Variants in USP13 observed in about 807,000 individuals in gnomAD.
USP13 encodes the protein ubiquitin specific peptidase 13.
In USP13, 68 loss-of-function variants were observed where a neutral mutation model predicts 107.8. That is an observed-to-expected ratio of 0.63 (90% confidence interval 0.52 to 0.77). USP13 has a LOEUF of 0.77. Ranked by LOEUF, USP13 falls within the 30% of genes least tolerant of loss-of-function variation. USP13 has a pLI of 0.00. For missense variants in USP13, 945 were observed against 1,093.3 expected, an observed-to-expected ratio of 0.86 and a Z score of 1.91; for synonymous variants, 377 against 389.5, an observed-to-expected ratio of 0.97 and a Z score of 0.38.
intron 16 of USP13, among the ~76,000 whole-genome samples, chr3:179,760,527 C>T (rs1714972502): frequency 6.6e-6 from 1 of 152,214 alleles, no homozygotes; most frequent in Non-Finnish European, 1.5e-5. Flanking sequence ...TCATAATCCG[C>T]CCGCCTCGGC....
At chr3:179,702,165 G>A (rs997953139) in intron 4 of USP13, among the ~76,000 whole-genome samples, 1 of 152,050 alleles carries the variant, frequency 6.6e-6, no homozygotes, top group Non-Finnish European at 1.5e-5. Flanking sequence ...GACTCCAGGC[G>A]CCCGCCATCA....
At chr3:179,689,105 C>G (rs1418855687) in intron 2 of USP13, among the ~76,000 whole-genome samples, 1 of 152,140 alleles carries the variant, frequency 6.6e-6, no homozygotes, top group Non-Finnish European at 1.5e-5. Flanking sequence ...AACTGAGAAG[C>G]AGAAAATGTG....
At chr3:179,715,251 C>G (rs1297684191) in intron 6 of USP13, among the ~76,000 whole-genome samples, 2 of 152,038 alleles carry the variant, frequency 1.3e-5, no homozygotes, top group Admixed American at 6.6e-5. Flanking sequence ...GTCTTGAACT[C>G]CTGGGCTCAA....
chr3:179,696,255 G>T (rs1465247063), intron 3 of USP13, among the ~76,000 whole-genome samples: 1 of 151,012 alleles, frequency 6.6e-6, no homozygotes. Context: ...TTTTGCTAAT[G>T]GTTAGTTGTT....
rs13317851 is a variant in USP13 at position 179,758,001 on chromosome 3, A to C, written c.1948+923A>C. Among the ~76,000 whole-genome samples, 1,165 of 152,318 alleles carry C rather than the reference A, an allele frequency of 7.6e-3. 16 individuals carry two copies. The highest frequency in any genetic ancestry group is 0.027 in the African/African-American group (1,113 of 41,576). On this transcript the variant is annotated intron_variant, in intron 16 of 20. Transcript: ENST00000263966. The stretch of plus-strand genomic sequence containing the variant: ...TGGATCATTTAGCATTTATTGTTCC[A>C]TAAATTCTTTCAACGGTCTACAACT...
chr3:179,780,535 G>T (rs184260713), intron 19 of USP13, among the ~76,000 whole-genome samples: 78 of 152,240 alleles, frequency 5.1e-4, no homozygotes, highest in Admixed American at 1.2e-3. Flanking sequence ...GTCTGGATAG[G>T]GGGGGAAGAA....
intron 3 of USP13, among the ~76,000 whole-genome samples, chr3:179,694,628 T>C (rs1712223088): frequency 6.6e-6 from 1 of 151,806 alleles, no homozygotes; most frequent in Non-Finnish European, 1.5e-5. Flanking sequence ...GGTGAAACCC[T>C]GTCTCTACTA....
At chr3:179,749,314 A>G (rs1170543985) in intron 13 of USP13, among the ~76,000 whole-genome samples, 3 of 152,246 alleles carry the variant, frequency 2.0e-5, no homozygotes, top group Non-Finnish European at 4.4e-5. Context: ...TATGTCTTAA[A>G]TCATTTAATT....
At chr3:179,764,734 A>T (rs559798250) in intron 18 of USP13, among the ~76,000 whole-genome samples, 1 of 152,166 alleles carries the variant, frequency 6.6e-6, no homozygotes, top group Non-Finnish European at 1.5e-5. Flanking sequence ...TGCAGTGCTG[A>T]TATCTGTTTA....
intron 1 of USP13, among the ~76,000 whole-genome samples, chr3:179,663,418 C>T (rs1014052949): frequency 2.0e-5 from 3 of 152,180 alleles, no homozygotes; most frequent in African/African-American, 7.2e-5. Context: ...CCTTTTGGCT[C>T]CTGTGAATAG....
At chr3:179,783,463 G>T (rs780602151) in intron 20 of USP13, among the ~76,000 whole-genome samples, 1 of 152,010 alleles carries the variant, frequency 6.6e-6, no homozygotes, top group Non-Finnish European at 1.5e-5. Context: ...TTCTCACTTT[G>T]CCAAATATTC....
At position 179,656,598 on chromosome 3, in the gene USP13, C is replaced by T. The variant is rs78955700; in HGVS notation, c.168+3205C>T. Among the ~76,000 whole-genome samples the T allele has an allele frequency of 8.3e-3, 1,262 of 152,310 alleles. 27 individuals are homozygous for T. Among genetic ancestry groups the T allele is most frequent in the African/African-American group, 0.029 (1,201 of 41,568 alleles). On this transcript the variant is annotated intron_variant, in intron 1 of 20. Transcript: ENST00000263966. ...TGATTTCATCCTGGACCCACCCTCC[C>T]ACCTTGACGTGTAGGTTCACCTCTC...
intron 6 of USP13, among the ~76,000 whole-genome samples, chr3:179,712,883 A>G (rs1264657935): frequency 6.6e-6 from 1 of 152,018 alleles, no homozygotes; most frequent in Non-Finnish European, 1.5e-5. Flanking sequence ...TAAAAAAAAA[A>G]CCTTTGCTAA....
At chr3:179,658,560 G>A (rs1159657809) in intron 1 of USP13, among the ~76,000 whole-genome samples, 3 of 152,172 alleles carry the variant, frequency 2.0e-5, no homozygotes, top group African/African-American at 7.2e-5. Flanking sequence ...GAACAGAAGT[G>A]GAATTATGAG....
In USP13 at chr3:179,743,552, T is replaced by G. The variant is rs1303317087; in HGVS notation, c.1534+1202T>G. ...TTCATTTTCTATATGCTCATGCAGT[T>G]TTTGATCAGTTTCAAAATCCTTTTG... On this transcript the variant is annotated intron_variant, in intron 12 of 20. Coordinates refer to ENST00000263966, the MANE Select transcript of USP13 (RefSeq NM_003940.3). Among the ~76,000 whole-genome samples, 8 of 152,242 alleles carry G rather than the reference T, an allele frequency of 5.3e-5. No individual in the cohort carries two copies. The East Asian group carries it at 1.5e-3, about 29-fold the overall frequency.
intron 1 of USP13, among the ~76,000 whole-genome samples, chr3:179,676,441 G>A (rs1720894157): frequency 1.3e-5 from 2 of 152,174 alleles, no homozygotes. Flanking sequence ...TGGTTAATGA[G>A]AGGATGAGGT....
chr3:179,782,551 G>C (rs1169182794), intron 20 of USP13, among the ~76,000 whole-genome samples: 2 of 152,124 alleles, frequency 1.3e-5, no homozygotes, highest in Non-Finnish European at 2.9e-5. Flanking sequence ...AAACTGAGTA[G>C]CCTGTGGGTT....
At chr3:179,774,033 C>T (rs577266119) in intron 19 of USP13, among the ~76,000 whole-genome samples, 1 of 152,150 alleles carries the variant, frequency 6.6e-6, no homozygotes, top group Non-Finnish European at 1.5e-5. Flanking sequence ...GCTCATAGCT[C>T]TTCAGAGTAT....
intron 16 of USP13, among the ~76,000 whole-genome samples, chr3:179,760,519 A>G (rs9845333): frequency 0.048 from 7,237 of 151,718 alleles, 553 homozygotes; most frequent in African/African-American, 0.17. Context: ...TCCTGACCTC[A>G]TAATCCGCCC....
Sources: gnomAD v4.1 joint callset for allele counts (sites outside exome capture counted in the v4.1 genomes callset) on GRCh38, gnomAD v4.1.1 for gene constraint, MANE v1.5 for transcripts, NCBI Gene and HGNC (gene_info 2026-07-23, HGNC 2026-07-21) for gene names.